PLEKHG1: variants seen among roughly 807,000 people sequenced by gnomAD.
PLEKHG1 encodes pleckstrin homology and RhoGEF domain containing G1.
PLEKHG1 carries 44 observed loss-of-function variants against 100.8 expected under a neutral mutation model. The observed-to-expected ratio is 0.44, with a 90% CI of 0.34 to 0.56. The LOEUF is 0.56. PLEKHG1 is among the 20% of genes least tolerant of loss of function. The pLI, the probability that PLEKHG1 is intolerant of heterozygous loss-of-function variation, is 0.01. For synonymous variants in PLEKHG1, 640 were observed against 662.5 expected (o/e 0.97, Z 0.52); for missense variants, 1,545 against 1,720.9 (o/e 0.90, Z 1.81).
At chr6:150,806,829 C>CAA (rs3072754) in intron 7 of PLEKHG1, among the ~76,000 whole-genome samples, 21 of 90,082 alleles carry the variant, frequency 2.3e-4, no homozygotes, top group Admixed American at 3.9e-4. Context: ...GACTCCATCT[C>CAA]AAAAAAAAAA....
intron 2 of PLEKHG1, among the ~76,000 whole-genome samples, chr6:150,745,682 CAAA>C (rs1388779071): frequency 6.5e-5 from 5 of 77,282 alleles, no homozygotes; most frequent in Non-Finnish European, 5.4e-5. Flanking sequence ...GACTCCATCT[CAAA>C]AAAAAAAAAA....
At chr6:150,818,147 G>A (rs771160715) in intron 10 of PLEKHG1, 36 bp from the exon 12 acceptor site, 11 of 1,557,570 alleles carry the variant, frequency 7.1e-6, no homozygotes, top group Non-Finnish European at 7.9e-6. Context: ...GAAAAAAAAA[G>A]CAATTGGAAT....
chr6:150,761,513 T>C (rs997715433), intron 2 of PLEKHG1, among the ~76,000 whole-genome samples: 1 of 152,040 alleles, frequency 6.6e-6, no homozygotes, highest in African/African-American at 2.4e-5. Context: ...CAGGCTGGTC[T>C]CGAACTCCTG....
chr6:150,632,610 G>T (rs747483132), intron 1 of PLEKHG1, among the ~76,000 whole-genome samples: 1 of 152,248 alleles, frequency 6.6e-6, no homozygotes. Context: ...AGGAACACAT[G>T]CAGGCTGGTA....
At chr6:150,737,200 C>T (rs1349555406) in intron 2 of PLEKHG1, among the ~76,000 whole-genome samples, 1 of 151,962 alleles carries the variant, frequency 6.6e-6, no homozygotes, top group African/African-American at 2.4e-5. Context: ...CCACTTTTAT[C>T]GAGTTCTTTT....
intron 15 of PLEKHG1, among the ~76,000 whole-genome samples, chr6:150,834,419 C>T (rs1181931174): frequency 6.6e-6 from 1 of 152,106 alleles, no homozygotes; most frequent in Non-Finnish European, 1.5e-5. Context: ...AAATGTAATG[C>T]TGAAGTTTTT....
In PLEKHG1 at chr6:150,821,237, A is replaced by T. The variant is rs755239517; in HGVS notation, c.1447+4A>T. 5 of 1,601,054 alleles carry T rather than the reference A, an allele frequency of 3.1e-6. No homozygotes were observed. The South Asian group carries it at 5.5e-5, about 18-fold the overall frequency. ...CATAAAGTTTTGAAGACCAGTGGTA[A>T]GTCGTAAAATATATTTTCCTGTTTC... On this transcript the variant is annotated splice_donor_region_variant and intron_variant, in intron 13 of 15. Transcript: ENST00000358517.
At chr6:150,714,811 A>ATTTTTT (rs773303756) in intron 3 of PLEKHG1, among the ~76,000 whole-genome samples, 1 of 147,898 alleles carries the variant, frequency 6.8e-6, no homozygotes, top group Non-Finnish European at 1.5e-5. Flanking sequence ...TGCTGACAGA[A>ATTTTTT]TTTTTTTCTT....
chr6:150,830,509 C>A, intron 14 of PLEKHG1, 73 bp from the exon 16 acceptor site: 1 of 1,110,366 alleles, frequency 9.0e-7, no homozygotes, highest in Non-Finnish European at 1.3e-6. Context: ...TGTGTAAACA[C>A]AGGAGAAATT....
At chr6:150,722,034 T>C (rs923082750) in intron 1 of PLEKHG1, among the ~76,000 whole-genome samples, 2 of 152,210 alleles carry the variant, frequency 1.3e-5, no homozygotes, top group Non-Finnish European at 2.9e-5. Flanking sequence ...CAGAGAAATA[T>C]GAAAGGAACA....
chr6:150,756,476 C>T (rs1336665312), intron 2 of PLEKHG1, among the ~76,000 whole-genome samples: 1 of 152,160 alleles, frequency 6.6e-6, no homozygotes, highest in Non-Finnish European at 1.5e-5. Context: ...CAGCAGATTA[C>T]CTAATGTCGC....
chr6:150,832,098 T>C (rs747717188), exon 15 of PLEKHG1: 1 of 1,613,794 alleles, frequency 6.2e-7, no homozygotes, highest in Non-Finnish European at 8.5e-7. Context: ...CTTTTAAAAG[T>C]GAAAAGTCTG....
chr6:150,828,109 C>T, intron 14 of PLEKHG1: 1 of 1,613,188 alleles, frequency 6.2e-7, no homozygotes, highest in Non-Finnish European at 8.5e-7. Flanking sequence ...TTTATCAAAG[C>T]CATTTCAACA....
intron 1 of PLEKHG1, among the ~76,000 whole-genome samples, chr6:150,721,904 A>G (rs1781692182): frequency 6.6e-6 from 1 of 152,278 alleles, no homozygotes; most frequent in Non-Finnish European, 1.5e-5. Context: ...ATTGAATATA[A>G]AAATTATTTT....
chr6:150,645,369 A>G (rs1432837785), intron 2 of PLEKHG1, among the ~76,000 whole-genome samples: 2 of 152,366 alleles, frequency 1.3e-5, no homozygotes, highest in Non-Finnish European at 2.9e-5. Flanking sequence ...AAAGAAATAT[A>G]TAAGAATATT....
chr6:150,662,234 C>G (rs1463974409), intron 3 of PLEKHG1, among the ~76,000 whole-genome samples: 2 of 152,160 alleles, frequency 1.3e-5, no homozygotes, highest in Non-Finnish European at 2.9e-5. Context: ...ACACATTCTT[C>G]TAGAAAACAT....
intron 3 of PLEKHG1, among the ~76,000 whole-genome samples, chr6:150,785,049 AG>A (rs1785541359): frequency 5.3e-5 from 8 of 150,538 alleles, no homozygotes; most frequent in Admixed American, 4.6e-4. Context: ...AAAAAAAAAG[AG>A]AGAGAGAGAC....
intron 3 of PLEKHG1, among the ~76,000 whole-genome samples, chr6:150,661,738 GTGAAACTATAGTGATAT>G (rs1779201762): frequency 1.3e-5 from 2 of 152,296 alleles, no homozygotes; most frequent in East Asian, 3.9e-4. Flanking sequence ...CCTATTAGCT[GTGAAACTATAGTGATAT>G]GGAAATCAGT....
At chr6:150,759,674 A>G (rs1784049916) in intron 2 of PLEKHG1, among the ~76,000 whole-genome samples, 1 of 152,166 alleles carries the variant, frequency 6.6e-6, no homozygotes, top group Non-Finnish European at 1.5e-5. Context: ...CATATAAAGC[A>G]GACAGCTCAG....
Sources: allele counts gnomAD v4.1 joint callset (sites outside exome capture counted in the v4.1 genomes callset), GRCh38; gene constraint gnomAD v4.1.1; transcripts MANE v1.5; gene names NCBI Gene and HGNC (gene_info 2026-07-23, HGNC 2026-07-21).